Variants in CSMD1 observed in about 807,000 individuals in gnomAD.
The protein encoded by CSMD1 is CUB and sushi domain-containing protein 1.
CSMD1 carries 213 observed loss-of-function variants against 417.5 expected under a neutral mutation model. That is an observed-to-expected ratio of 0.51 (90% CI 0.46 to 0.57). The LOEUF (loss-of-function observed/expected upper bound fraction) is 0.57, where lower values mean the gene tolerates loss of function less well. Among genes scored for constraint, CSMD1 ranks in the 20% least tolerant of loss-of-function variants. CSMD1 has a pLI of 0.00. For synonymous variants in CSMD1, 2,862 were observed against 1,736.8 expected, an observed-to-expected ratio of 1.65 and a Z score of -16.11; for missense variants, 6,923 against 4,529.7, an observed-to-expected ratio of 1.53 and a Z score of -15.17.
chr8:3,518,374 T>G (rs1161483502), intron 10 of CSMD1, among the ~76,000 whole-genome samples: 1 of 152,188 alleles, frequency 6.6e-6, no homozygotes, highest in Non-Finnish European at 1.5e-5. Flanking sequence ...AACAACCATT[T>G]AATTGTAAAT....
At chr8:4,768,079 T>C (rs1812590570) in intron 1 of CSMD1, among the ~76,000 whole-genome samples, 1 of 152,172 alleles carries the variant, frequency 6.6e-6, no homozygotes, top group Non-Finnish European at 1.5e-5. Flanking sequence ...GCATAGGACC[T>C]TCCACCCAGC....
At chr8:3,063,018 C>G (rs887339869) in intron 49 of CSMD1, among the ~76,000 whole-genome samples, 5 of 152,070 alleles carry the variant, frequency 3.3e-5, no homozygotes, top group African/African-American at 9.7e-5. Flanking sequence ...TGCTGTGTGT[C>G]ATAAAAAACT....
intron 5 of CSMD1, among the ~76,000 whole-genome samples, chr8:3,946,599 C>T (rs936918319): frequency 1.3e-5 from 2 of 152,106 alleles, no homozygotes; most frequent in South Asian, 4.1e-4. Context: ...TCCTTTTGGG[C>T]TCTTGACTGG....
intron 54 of CSMD1, among the ~76,000 whole-genome samples, chr8:2,988,154 C>G (rs1806083914): frequency 6.6e-6 from 1 of 152,024 alleles, no homozygotes; most frequent in Admixed American, 6.6e-5. Context: ...TCCCATTTTT[C>G]ATTAACACTT....
At chr8:4,730,078 G>T (rs962059977) in intron 1 of CSMD1, among the ~76,000 whole-genome samples, 9 of 152,072 alleles carry the variant, frequency 5.9e-5, no homozygotes, top group Non-Finnish European at 1.0e-4. Context: ...AAAATAAATT[G>T]TATGACATCT....
chr8:4,010,150 T>G (rs1384248570), intron 4 of CSMD1, among the ~76,000 whole-genome samples: 1 of 152,198 alleles, frequency 6.6e-6, no homozygotes, highest in African/African-American at 2.4e-5. Context: ...TGAAGTCATC[T>G]CAGTAGCCAA....
chr8:3,577,953 T>C (rs1338579417), intron 9 of CSMD1, among the ~76,000 whole-genome samples: 1 of 152,152 alleles, frequency 6.6e-6, no homozygotes, highest in Non-Finnish European at 1.5e-5. Flanking sequence ...TGGCTTGAGC[T>C]GTTGTGATTT....
At chr8:4,261,430 T>C (rs1408086012) in intron 3 of CSMD1, among the ~76,000 whole-genome samples, 3 of 152,124 alleles carry the variant, frequency 2.0e-5, no homozygotes, top group Admixed American at 1.3e-4. Context: ...TGGGGAATAA[T>C]TGTCAAAGTT....
intron 5 of CSMD1, among the ~76,000 whole-genome samples, chr8:3,863,578 T>C (rs1349701129): frequency 1.3e-5 from 2 of 152,092 alleles, no homozygotes; most frequent in East Asian, 3.9e-4. Flanking sequence ...TACAAAAATA[T>C]AATCTAAGCC....
At chr8:4,381,455 G>T (rs142388925) in intron 3 of CSMD1, among the ~76,000 whole-genome samples, 1 of 152,162 alleles carries the variant, frequency 6.6e-6, no homozygotes. Context: ...GGCTGGTGCC[G>T]ACGTGTGCTA....
chr8:3,770,684 C>T (rs969177964), intron 5 of CSMD1, among the ~76,000 whole-genome samples: 1 of 152,094 alleles, frequency 6.6e-6, no homozygotes, highest in African/African-American at 2.4e-5. Context: ...CGCCCCAACA[C>T]CTTGTGATCT....
At chr8:3,097,481 AT>A (rs1462464593) in intron 46 of CSMD1, among the ~76,000 whole-genome samples, 2 of 152,206 alleles carry the variant, frequency 1.3e-5, no homozygotes, top group African/African-American at 4.8e-5. Flanking sequence ...CTGGGGATAC[AT>A]TCCAAGAGCC....
intron 3 of CSMD1, among the ~76,000 whole-genome samples, chr8:4,400,649 T>C (rs1305339047): frequency 3.9e-5 from 6 of 152,214 alleles, no homozygotes; most frequent in Non-Finnish European, 8.8e-5. Flanking sequence ...AGTCTTTAAA[T>C]TTAATACAAC....
chr8:3,243,046 C>T (rs924705273), intron 26 of CSMD1, among the ~76,000 whole-genome samples: 1 of 151,996 alleles, frequency 6.6e-6, no homozygotes, highest in South Asian at 2.1e-4. Flanking sequence ...TCCTTTGTCT[C>T]TACCAGAAAA....
At chr8:4,434,702 G>A (rs1011049954) in intron 2 of CSMD1, among the ~76,000 whole-genome samples, 4 of 152,114 alleles carry the variant, frequency 2.6e-5, no homozygotes, top group Non-Finnish European at 4.4e-5. Flanking sequence ...AGTAACAAAT[G>A]TTTTCATGCC....
intron 1 of CSMD1, among the ~76,000 whole-genome samples, chr8:4,884,766 C>A (rs762307485): frequency 6.6e-6 from 1 of 152,016 alleles, no homozygotes; most frequent in Non-Finnish European, 1.5e-5. Context: ...TGTCTTATTG[C>A]GGTAGCTTTG....
chr8:4,909,041 G>T (rs1273204236), intron 1 of CSMD1, among the ~76,000 whole-genome samples: 1 of 152,170 alleles, frequency 6.6e-6, no homozygotes, highest in Non-Finnish European at 1.5e-5. Flanking sequence ...AATGTGATAA[G>T]CAGGACTTTA....
At chr8:3,431,180 G>A (rs1814196691) in intron 12 of CSMD1, among the ~76,000 whole-genome samples, 1 of 152,136 alleles carries the variant, frequency 6.6e-6, no homozygotes, top group Non-Finnish European at 1.5e-5. Context: ...GAAGAGGGAT[G>A]ATGGAGATTA....
At chr8:3,872,959 A>G (rs1805578195) in intron 5 of CSMD1, among the ~76,000 whole-genome samples, 1 of 152,166 alleles carries the variant, frequency 6.6e-6, no homozygotes, top group South Asian at 2.1e-4. Context: ...AAAAAGCTCA[A>G]CATCACTGAT....
Sources: gnomAD v4.1 joint callset for allele counts (sites outside exome capture counted in the v4.1 genomes callset) on GRCh38, gnomAD v4.1.1 for gene constraint, MANE v1.5 for transcripts, NCBI Gene and HGNC (gene_info 2026-07-23, HGNC 2026-07-21) for gene names.